The following WWOX variants were observed in gnomAD, a reference collection of about 807,000 sequenced individuals.
WWOX encodes the protein WW domain-containing oxidoreductase.
WWOX carries 69 observed loss-of-function variants against 46.2 expected under a neutral mutation model. The ratio of observed to expected loss-of-function variants is 1.49; its 90% CI spans 1.23 to 1.82. The LOEUF (loss-of-function observed/expected upper bound fraction) is 1.82, where lower values mean the gene tolerates loss of function less well. Ranked by LOEUF, WWOX falls within the 40% of genes most tolerant of loss-of-function variation. The probability of loss-of-function intolerance (pLI) is 0.00; values close to 1 mark genes in which losing one functional copy is unlikely to be tolerated. For missense variants in WWOX, 919 were observed against 542.6 expected, an observed-to-expected ratio of 1.69 and a Z score of -6.89; for synonymous variants, 359 against 202.6, an observed-to-expected ratio of 1.77 and a Z score of -6.56.
chr16:79,061,103 C>T (rs918624945), intron 8 of WWOX, among the ~76,000 whole-genome samples: 1 of 152,162 alleles, frequency 6.6e-6, no homozygotes, highest in African/African-American at 2.4e-5. Context: ...AAGAGAGGTA[C>T]ATTGGGTGGC....
intron 8 of WWOX, among the ~76,000 whole-genome samples, chr16:78,670,108 G>C (rs1274201915): frequency 6.6e-6 from 1 of 151,826 alleles, no homozygotes; most frequent in African/African-American, 2.4e-5. Flanking sequence ...CTCCATCTTT[G>C]TTGTGAGGGC....
chr16:78,130,131 C>A (rs2033530941), intron 4 of WWOX: 1 of 152,272 alleles, frequency 6.6e-6, no homozygotes, highest in Non-Finnish European at 1.5e-5. Context: ...GAGGTCTCCC[C>A]AGCCACGTGG....
At chr16:78,341,727 T>G (rs1351809219) in intron 5 of WWOX, among the ~76,000 whole-genome samples, 1 of 119,920 alleles carries the variant, frequency 8.3e-6, no homozygotes, top group African/African-American at 2.8e-5. Flanking sequence ...CCTCCATGGG[T>G]GGCAGGTCAG....
At chr16:78,999,931 A>G (rs12932228) in intron 8 of WWOX, among the ~76,000 whole-genome samples, 35,213 of 152,168 alleles carry the variant, frequency 0.23, 4,685 homozygotes, top group East Asian at 0.49. Context: ...ATGAGAAAGC[A>G]TTGTGCCATA....
chr16:79,092,980 A>C (rs940100908), intron 8 of WWOX, among the ~76,000 whole-genome samples: 1 of 152,194 alleles, frequency 6.6e-6, no homozygotes, highest in Non-Finnish European at 1.5e-5. Flanking sequence ...GAGCAAAAGT[A>C]ATCGCGGTTT....
At chr16:78,102,959 G>T (rs1165340149) in intron 1 of WWOX, among the ~76,000 whole-genome samples, 1 of 152,154 alleles carries the variant, frequency 6.6e-6, no homozygotes, top group Non-Finnish European at 1.5e-5. Context: ...GCCCACCTCT[G>T]CCTCTGGCTC....
chr16:79,210,718 T>TTAC (rs1340996978), intron 8 of WWOX, among the ~76,000 whole-genome samples: 10 of 151,476 alleles, frequency 6.6e-5, no homozygotes, highest in African/African-American at 2.5e-4. Flanking sequence ...TTTTTAATTA[T>TTAC]GGCTTGCAAA....
chr16:78,192,885 G>T lies in WWOX; in HGVS notation c.516+28596G>T, dbSNP rs540556155. ...TGGTTAGAAATTTTCTCAGTCGATT[G>T]ACAAGGATGGCGTATTGGCCACCTT... On this transcript the variant is annotated intron_variant, in intron 5 of 8. Coordinates refer to ENST00000566780, the MANE Select transcript of WWOX (RefSeq NM_016373.4). Among the ~76,000 whole-genome samples, 6 of 152,324 alleles carry T rather than the reference G, an allele frequency of 3.9e-5. No individual in the cohort carries two copies. The South Asian group carries it at 1.2e-3, about 32-fold the overall frequency.
chr16:79,163,795 CAA>C (rs66922536), intron 8 of WWOX, among the ~76,000 whole-genome samples: 14 of 102,240 alleles, frequency 1.4e-4, no homozygotes, highest in African/African-American at 2.0e-4. Context: ...AACTCCACCT[CAA>C]AAAAAAAAAA....
chr16:78,197,075 C>T (rs1168616912), intron 5 of WWOX, among the ~76,000 whole-genome samples: 1 of 152,162 alleles, frequency 6.6e-6, no homozygotes, highest in Non-Finnish European at 1.5e-5. Context: ...GCCAGCTCTG[C>T]ACCAGACTCG....
At chr16:78,613,706 C>T (rs2045953610) in intron 8 of WWOX, among the ~76,000 whole-genome samples, 1 of 152,110 alleles carries the variant, frequency 6.6e-6, no homozygotes, top group South Asian at 2.1e-4. Context: ...GAGGAAGGCC[C>T]CAGCTCTTTG....
chr16:78,870,856 C>G (rs1391890568), intron 8 of WWOX, among the ~76,000 whole-genome samples: 1 of 152,188 alleles, frequency 6.6e-6, no homozygotes, highest in Non-Finnish European at 1.5e-5. Context: ...CCCACCTCAG[C>G]TTCCCAAAGT....
rs2034640985 is a variant in WWOX at position 78,157,351 on chromosome 16, A to G, written c.410-6832A>G. ...GCTGGGCTACAAAACCTGGCATTTT[A>G]CTTCTCTCATTTTCCCCAAATGATC... On this transcript the variant is annotated intron_variant, in intron 4 of 8. Transcript: ENST00000566780. 3.3e-5 allele frequency among the ~76,000 whole-genome samples: 5 copies of G among 152,278 alleles called. No individual in the cohort carries two copies. In the South Asian group the frequency reaches 1.0e-3, roughly 32 times the overall value.
At chr16:78,710,492 A>ATATATATATATATATATATATATATT (rs1264804916) in intron 8 of WWOX, among the ~76,000 whole-genome samples, 1 of 134,906 alleles carries the variant, frequency 7.4e-6, no homozygotes, top group Non-Finnish European at 1.6e-5. Context: ...ATATATATAT[A>ATATATATATATATATATATATATATT]TATATATTTA....
chr16:79,211,089 C>T (rs992859296), intron 8 of WWOX, among the ~76,000 whole-genome samples: 1 of 149,744 alleles, frequency 6.7e-6, no homozygotes, highest in Non-Finnish European at 1.5e-5. Flanking sequence ...ATTGCCAACC[C>T]TTCCCCTAGC....
At chr16:78,422,730 T>TATACACACACACATGTATATAA (rs1276812043) in intron 6 of WWOX, among the ~76,000 whole-genome samples, 1 of 92,964 alleles carries the variant, frequency 1.1e-5, no homozygotes, top group Non-Finnish European at 1.9e-5. Context: ...CATATATATA[T>TATACACACACACATGTATATAA]ACACACACAT....
chr16:79,148,653 T>G (rs1194873162), intron 8 of WWOX, among the ~76,000 whole-genome samples: 1 of 152,212 alleles, frequency 6.6e-6, no homozygotes, highest in African/African-American at 2.4e-5. Context: ...ATTAAACCTA[T>G]AGATCAATTC....
intron 8 of WWOX, among the ~76,000 whole-genome samples, chr16:78,911,588 G>T (rs148594479): frequency 1.3e-5 from 2 of 152,032 alleles, no homozygotes; most frequent in Non-Finnish European, 2.9e-5. Flanking sequence ...ACACCAGGCC[G>T]GGCACAGTGG....
At chr16:78,528,423 T>G (rs1313236062) in intron 8 of WWOX, among the ~76,000 whole-genome samples, 2 of 151,938 alleles carry the variant, frequency 1.3e-5, no homozygotes, top group Non-Finnish European at 2.9e-5. Context: ...ATCCAGAAAG[T>G]GGCTCGTATT....
Sources: gnomAD v4.1 joint callset for allele counts (sites outside exome capture counted in the v4.1 genomes callset) on GRCh38, gnomAD v4.1.1 for gene constraint, MANE v1.5 for transcripts, NCBI Gene and HGNC (gene_info 2026-07-23, HGNC 2026-07-21) for gene names.